Variants in KSR2 observed in about 807,000 individuals in gnomAD.
KSR2 encodes the protein kinase suppressor of ras 2.
A neutral mutation model predicts 107.8 loss-of-function variants in KSR2; 25 were observed. That is an observed-to-expected ratio of 0.23 (90% CI 0.17 to 0.32). KSR2 has a LOEUF of 0.32. Among genes scored for constraint, KSR2 ranks in the 10% least tolerant of loss-of-function variants. The pLI is 1.00. For synonymous variants in KSR2, 480 were observed against 507.0 expected (o/e 0.95, Z 0.71); for missense variants, 887 against 1,268.9 (o/e 0.70, Z 4.57).
chr12:117,574,362 C>T (rs1432326655), intron 7 of KSR2, among the ~76,000 whole-genome samples: 1 of 152,130 alleles, frequency 6.6e-6, no homozygotes, highest in Non-Finnish European at 1.5e-5. Flanking sequence ...CTGTATCAGC[C>T]TGCTTTCATG....
At chr12:117,765,232 C>T (rs537005703) in intron 3 of KSR2, among the ~76,000 whole-genome samples, 22 of 152,292 alleles carry the variant, frequency 1.4e-4, no homozygotes, top group African/African-American at 5.1e-4. Context: ...CTAAGTAAAG[C>T]CTGTTTAAGA....
chr12:117,817,977 T>C (rs1192054327), intron 3 of KSR2, among the ~76,000 whole-genome samples: 2 of 152,122 alleles, frequency 1.3e-5, no homozygotes, highest in Non-Finnish European at 2.9e-5. Context: ...GGTGCATGCC[T>C]GTAATCCCAG....
intron 3 of KSR2, among the ~76,000 whole-genome samples, chr12:117,832,943 A>T (rs1027153738): frequency 6.6e-6 from 1 of 152,166 alleles, no homozygotes; most frequent in African/African-American, 2.4e-5. Context: ...GACCAGTGGC[A>T]TGACCCTGGC....
At position 117,940,653 on chromosome 12, in the gene KSR2, A is replaced by C. The variant is rs540793818; in HGVS notation, c.180+27423T>G. Among the ~76,000 whole-genome samples, 3 of 152,382 alleles carry C rather than the reference A, an allele frequency of 2.0e-5. No homozygotes were observed. In the South Asian group the frequency reaches 6.2e-4, roughly 32 times the overall value. On this transcript the variant is annotated intron_variant, in intron 1 of 19. Transcript: ENST00000339824. ...TAGTCAAGTAGTCAAGACTGAAATTAAAATAAATTTTTGTTTGTTGGTTTT... is the reference window on the plus strand; with the variant it reads ...TAGTCAAGTAGTCAAGACTGAAATTCAAATAAATTTTTGTTTGTTGGTTTT...
At chr12:117,607,121 A>AG (rs1171539208) in intron 5 of KSR2, among the ~76,000 whole-genome samples, 1 of 152,146 alleles carries the variant, frequency 6.6e-6, no homozygotes, top group Non-Finnish European at 1.5e-5. Context: ...GAGCTCTTCA[A>AG]GGGCAAGGGA....
At chr12:117,717,602 G>A (rs1416345012) in intron 4 of KSR2, among the ~76,000 whole-genome samples, 1 of 151,924 alleles carries the variant, frequency 6.6e-6, no homozygotes, top group Non-Finnish European at 1.5e-5. Context: ...ATTTTAAAAT[G>A]TAGATGACAT....
At chr12:117,501,905 C>T (rs1187440656) in intron 14 of KSR2, among the ~76,000 whole-genome samples, 1 of 152,226 alleles carries the variant, frequency 6.6e-6, no homozygotes, top group Non-Finnish European at 1.5e-5. Flanking sequence ...CAGAGCCTTC[C>T]CAGGCAGCTC....
At chr12:117,845,127 C>G (rs968283551) in intron 3 of KSR2, among the ~76,000 whole-genome samples, 13 of 152,180 alleles carry the variant, frequency 8.5e-5, no homozygotes, top group African/African-American at 3.1e-4. Context: ...GCCTGGGCGA[C>G]AGAGCGAGAC....
chr12:117,965,923 G>A (rs1305529954), intron 1 of KSR2, among the ~76,000 whole-genome samples: 1 of 152,202 alleles, frequency 6.6e-6, no homozygotes, highest in Non-Finnish European at 1.5e-5. Context: ...CAGCCCCTCT[G>A]CAGGGGCCCT....
intron 1 of KSR2, among the ~76,000 whole-genome samples, chr12:117,892,276 T>G (rs1452594998): frequency 6.6e-6 from 1 of 152,122 alleles, no homozygotes; most frequent in Non-Finnish European, 1.5e-5. Context: ...TGCACTCCAG[T>G]CTGGGCAACA....
chr12:117,557,288 C>A (rs759648448), intron 8 of KSR2, among the ~76,000 whole-genome samples: 4 of 152,220 alleles, frequency 2.6e-5, no homozygotes, highest in Non-Finnish European at 4.4e-5. Flanking sequence ...TGGCTACCCT[C>A]TCTAGATGGC....
intron 3 of KSR2, among the ~76,000 whole-genome samples, chr12:117,825,176 T>C (rs146854701): frequency 6.6e-6 from 1 of 152,268 alleles, no homozygotes; most frequent in African/African-American, 2.4e-5. Flanking sequence ...CAAGACTCCA[T>C]CTCAAAACGA....
At chr12:117,777,103 TATATAC>T (rs1261146993) in intron 3 of KSR2, among the ~76,000 whole-genome samples, 139 of 107,652 alleles carry the variant, frequency 1.3e-3, no homozygotes, top group East Asian at 2.0e-3. Flanking sequence ...TATATATATA[TATATAC>T]ACACACACAC....
At chr12:117,903,093 T>C (rs1432544175) in intron 1 of KSR2, among the ~76,000 whole-genome samples, 1 of 152,270 alleles carries the variant, frequency 6.6e-6, no homozygotes, top group East Asian at 1.9e-4. Flanking sequence ...GAGAGTTTGA[T>C]TTCCATACTG....
At chr12:117,756,516 G>GA (rs1305704885) in intron 4 of KSR2, among the ~76,000 whole-genome samples, 1 of 152,144 alleles carries the variant, frequency 6.6e-6, no homozygotes, top group Non-Finnish European at 1.5e-5. Context: ...CGACTGTTTA[G>GA]AAAAAACAAG....
At chr12:117,482,399 C>CAAT (rs1187320340) in intron 16 of KSR2, among the ~76,000 whole-genome samples, 1 of 152,146 alleles carries the variant, frequency 6.6e-6, no homozygotes, top group Non-Finnish European at 1.5e-5. Context: ...TGTTTTAAGC[C>CAAT]ACTAAGTTTT....
At chr12:117,469,596 G>T (rs1871320589) in intron 19 of KSR2, 66 bp downstream of exon 19, 3 of 1,569,636 alleles carry the variant, frequency 1.9e-6, no homozygotes, top group South Asian at 1.2e-5. Flanking sequence ...ATGCAGAGGG[G>T]ATCAAAAAGG....
chr12:117,546,392 G>C (rs1175867759), intron 9 of KSR2, among the ~76,000 whole-genome samples: 1 of 152,126 alleles, frequency 6.6e-6, no homozygotes, highest in African/African-American at 2.4e-5. Flanking sequence ...CTTTCAAGAT[G>C]CTTTTGTCTG....
In KSR2 at chr12:117,704,288, G is replaced by A. The variant is rs556928965; in HGVS notation, c.987-36630C>T. ...CCCACCTACCGCTGTCTCTGGCCAA[G>A]CAGGCAAATGGAAAAGCATGTTTTC... On this transcript the variant is annotated intron_variant, in intron 4 of 19. Transcript: ENST00000339824. Among the ~76,000 whole-genome samples, 13 of 152,274 alleles carry A rather than the reference G, an allele frequency of 8.5e-5. No homozygotes were observed. In the South Asian group the frequency reaches 2.3e-3, roughly 27 times the overall value.
Sources: allele counts gnomAD v4.1 joint callset (sites outside exome capture counted in the v4.1 genomes callset), GRCh38; gene constraint gnomAD v4.1.1; transcripts MANE v1.5; gene names NCBI Gene and HGNC (gene_info 2026-07-23, HGNC 2026-07-21).